SLC35F1: variants seen among roughly 807,000 people sequenced by gnomAD.
SLC35F1 encodes solute carrier family 35 member F1, also known as chromosome 6 open reading frame 169.
In SLC35F1, 14 loss-of-function variants were observed where a neutral mutation model predicts 48.7. The observed-to-expected ratio is 0.29, with a 90% CI of 0.19 to 0.45. The LOEUF is 0.45. Ranked by LOEUF, SLC35F1 falls within the 20% of genes least tolerant of loss-of-function variation. The pLI is 1.00. For missense variants in SLC35F1, 404 were observed against 500.0 expected, an observed-to-expected ratio of 0.81 and a Z score of 1.83; for synonymous variants, 190 against 202.2, an observed-to-expected ratio of 0.94 and a Z score of 0.51.
chr6:118,116,656 T>TG (rs879655000), intron 1 of SLC35F1, among the ~76,000 whole-genome samples: 5 of 152,300 alleles, frequency 3.3e-5, no homozygotes, highest in Admixed American at 3.3e-4. Flanking sequence ...AGGAGTTTCA[T>TG]TAGGCCCTGT....
intron 3 of SLC35F1, among the ~76,000 whole-genome samples, chr6:118,238,574 C>T (rs144194687): frequency 6.6e-6 from 1 of 151,958 alleles, no homozygotes; most frequent in East Asian, 1.9e-4. Context: ...TCGTTTTTCC[C>T]ATCTTTCCCC....
rs115926719 is a variant in SLC35F1, at chr6:118,245,982, T to C, written c.477+10346T>C. Among the ~76,000 whole-genome samples, 768 of 152,298 alleles carry C rather than the reference T, an allele frequency of 5.0e-3. 8 individuals carry two copies. Among genetic ancestry groups the C allele is most frequent in the African/African-American group, 0.018 (735 of 41,554 alleles). On this transcript the variant is annotated intron_variant, in intron 3 of 7. Transcript: ENST00000360388. Reference sequence around the variant, plus strand: ...CTTTCCTCTTTGCACAATCAGTGGATGAGAGGGAGAGACAAGCTCTCCCTC... The same window carrying C: ...CTTTCCTCTTTGCACAATCAGTGGACGAGAGGGAGAGACAAGCTCTCCCTC...
In SLC35F1 at chr6:118,275,517, T is replaced by A. The variant is rs1354632560; in HGVS notation, c.696T>A (p.Ile232=). 6.2e-7 allele frequency: 1 copy of A among 1,613,996 alleles called. No homozygotes were observed. The highest frequency in any genetic ancestry group is 1.7e-5 in the Admixed American group (1 of 60,006). Residue 232 remains isoleucine, a synonymous_variant, in exon 5 of 8, where the codon ATT becomes ATA. Transcript: ENST00000360388. ...TAGGAGGAGCCACACTCTATGGTAT[T>A]TCTAACGTCTGGGAAGAATACATCA... ...LVLGGATLYG[I]SNVWEEYIIR... is the part of the protein sequence containing the mutation.
chr6:117,944,435 G>A (rs188559181), intron 1 of SLC35F1, among the ~76,000 whole-genome samples: 32 of 152,212 alleles, frequency 2.1e-4, no homozygotes, highest in Non-Finnish European at 2.9e-5. Context: ...GAGCCATGCT[G>A]CAATTGAAAA....
chr6:118,054,225 T>G (rs1030965345), intron 1 of SLC35F1, among the ~76,000 whole-genome samples: 2 of 152,202 alleles, frequency 1.3e-5, no homozygotes, highest in Non-Finnish European at 2.9e-5. Context: ...CAAGGCTTTT[T>G]GGGCAGAAGA....
intron 1 of SLC35F1, among the ~76,000 whole-genome samples, chr6:118,115,707 T>G (rs1773468105): frequency 6.6e-6 from 1 of 152,152 alleles, no homozygotes; most frequent in South Asian, 2.1e-4. Context: ...GCCACATAAC[T>G]CTGGTAGCTT....
Position 118,314,517 on chromosome 6 carries a change from A to C in SLC35F1, c.*265A>C. ...CATTCATTACTGTGAAAATTTTTGA[A>C]TCAAAAGCAAGTATTATTGTTATTA... On this transcript the variant is annotated 3_prime_UTR_variant, in exon 8 of 8. Transcript: ENST00000360388. 2 of 469,286 alleles carry C rather than the reference A, an allele frequency of 4.3e-6. No individual in the cohort carries two copies. The highest frequency in any genetic ancestry group is 7.7e-6 in the Non-Finnish European group (2 of 259,588). The allele number at this position is 469,286 out of a possible 1,614,324, so 29.1% of individuals were successfully genotyped here. A position where few individuals can be genotyped will look rare whatever the true frequency, so the allele number is the denominator to read the frequency against.
intron 1 of SLC35F1, among the ~76,000 whole-genome samples, chr6:117,938,639 T>C (rs1043613311): frequency 6.6e-6 from 1 of 152,104 alleles, no homozygotes; most frequent in African/African-American, 2.4e-5. Context: ...TCTTGGGAAG[T>C]GGGAAGGAAG....
intron 7 of SLC35F1, among the ~76,000 whole-genome samples, chr6:118,301,255 A>G (rs1193304388): frequency 1.3e-5 from 2 of 152,190 alleles, no homozygotes; most frequent in Non-Finnish European, 2.9e-5. Context: ...TAGGCTGAAC[A>G]TTATCTAGAA....
intron 3 of SLC35F1, among the ~76,000 whole-genome samples, chr6:118,254,598 G>A (rs769740188): frequency 1.3e-5 from 2 of 152,144 alleles, no homozygotes; most frequent in Non-Finnish European, 2.9e-5. Context: ...GTTTTCTAAC[G>A]AAACCTGGAA....
At chr6:118,268,600 A>ATATT (rs1562345482) in intron 4 of SLC35F1, among the ~76,000 whole-genome samples, 3 of 87,880 alleles carry the variant, frequency 3.4e-5, no homozygotes, top group Non-Finnish European at 4.2e-5. Flanking sequence ...ATATATATAT[A>ATATT]TTTTTTTTTT....
At chr6:118,091,263 T>C (rs182321355) in intron 1 of SLC35F1, among the ~76,000 whole-genome samples, 125 of 152,260 alleles carry the variant, frequency 8.2e-4, no homozygotes, top group African/African-American at 2.7e-3. Flanking sequence ...AATGATATGA[T>C]TTGGCTGTGT....
At chr6:118,248,388 C>T (rs1244718699) in intron 3 of SLC35F1, among the ~76,000 whole-genome samples, 1 of 152,162 alleles carries the variant, frequency 6.6e-6, no homozygotes, top group Non-Finnish European at 1.5e-5. Context: ...TGTTATTAAA[C>T]TCATGATGTT....
At chr6:118,303,701 C>T (rs1776280535) in intron 7 of SLC35F1, among the ~76,000 whole-genome samples, 1 of 152,162 alleles carries the variant, frequency 6.6e-6, no homozygotes, top group African/African-American at 2.4e-5. Context: ...GATGATCATA[C>T]CTAATTTAGA....
At chr6:117,912,150 T>C (rs986351802) in intron 1 of SLC35F1, among the ~76,000 whole-genome samples, 2 of 152,244 alleles carry the variant, frequency 1.3e-5, no homozygotes, top group African/African-American at 2.4e-5. Flanking sequence ...TTGAGTCTTA[T>C]GGCGGGAATG....
intron 6 of SLC35F1, among the ~76,000 whole-genome samples, chr6:118,284,466 AAG>A (rs1776026308): frequency 6.6e-6 from 1 of 152,156 alleles, no homozygotes; most frequent in Non-Finnish European, 1.5e-5. Context: ...ATTACAGAGA[AAG>A]AGAGAGATTT....
intron 1 of SLC35F1, among the ~76,000 whole-genome samples, chr6:118,027,046 T>C (rs1340023452): frequency 6.6e-6 from 1 of 152,204 alleles, no homozygotes; most frequent in African/African-American, 2.4e-5. Context: ...ATGTCATAAA[T>C]GGATGATAAA....
At chr6:118,041,347 A>T (rs1772216829) in intron 1 of SLC35F1, among the ~76,000 whole-genome samples, 1 of 152,172 alleles carries the variant, frequency 6.6e-6, no homozygotes, top group Non-Finnish European at 1.5e-5. Flanking sequence ...TCCATGTAAA[A>T]TACGTGCAGT....
At chr6:117,986,739 A>G (rs1022879534) in intron 1 of SLC35F1, among the ~76,000 whole-genome samples, 3 of 152,184 alleles carry the variant, frequency 2.0e-5, no homozygotes, top group African/African-American at 7.2e-5. Context: ...GAATCAGTAT[A>G]TTTACCTCAC....
Sources: gnomAD v4.1 joint callset for allele counts (sites outside exome capture counted in the v4.1 genomes callset) on GRCh38, gnomAD v4.1.1 for gene constraint, MANE v1.5 for transcripts, NCBI Gene and HGNC (gene_info 2026-07-23, HGNC 2026-07-21) for gene names.